The following CCDC138 variants were observed in gnomAD, a reference collection of about 807,000 sequenced individuals.
The protein encoded by CCDC138 is coiled-coil domain containing 138.
In CCDC138, 66 loss-of-function variants were observed where a neutral mutation model predicts 82.3. That is an observed-to-expected ratio of 0.80 (90% CI 0.66 to 0.98). The LOEUF (loss-of-function observed/expected upper bound fraction) is 0.98. CCDC138 is among the 50% of genes least tolerant of loss of function. The pLI, the probability that CCDC138 is intolerant of heterozygous loss-of-function variation, is 0.00. For missense variants in CCDC138, 816 were observed against 758.9 expected (o/e 1.08, Z -0.88); for synonymous variants, 297 against 265.4 (o/e 1.12, Z -1.16).
At chr2:108,809,997 G>T (rs569947549) in intron 7 of CCDC138, among the ~76,000 whole-genome samples, 1 of 152,190 alleles carries the variant, frequency 6.6e-6, no homozygotes, top group African/African-American at 2.4e-5. Context: ...GTAGAGACGG[G>T]GTTTTGCTGT....
At chr2:108,829,425 T>C (rs997778097) in intron 10 of CCDC138, among the ~76,000 whole-genome samples, 1 of 152,196 alleles carries the variant, frequency 6.6e-6, no homozygotes, top group African/African-American at 2.4e-5. Flanking sequence ...AAAACCACAG[T>C]AAGATACCAC....
At chr2:108,853,563 A>G (rs936011903) in intron 12 of CCDC138, among the ~76,000 whole-genome samples, 14 of 149,140 alleles carry the variant, frequency 9.4e-5, no homozygotes, top group African/African-American at 2.5e-4. Flanking sequence ...ATCTCACGCT[A>G]TCACTCAGGC....
At position 108,812,944 on chromosome 2, in the gene CCDC138, A is replaced by G; in HGVS notation, c.1041+17A>G. The G allele has an allele frequency of 6.2e-7, 1 of 1,609,822 alleles. No homozygotes were observed. Among genetic ancestry groups the G allele is most frequent in the Non-Finnish European group, 8.5e-7 (1 of 1,177,160 alleles). On this transcript the variant is annotated intron_variant, in intron 9 of 14. Coordinates refer to ENST00000295124, the MANE Select transcript of CCDC138 (RefSeq NM_144978.3). ...ACTTACAAGGTAAGTTTGAATTATG[A>G]TTTGATATGATTGAAAATTTCTCGG...
At chr2:108,871,995 C>A (rs1695327818) in intron 13 of CCDC138, among the ~76,000 whole-genome samples, 1 of 152,060 alleles carries the variant, frequency 6.6e-6, no homozygotes, top group Non-Finnish European at 1.5e-5. Context: ...TTTTAATTCC[C>A]CTCTCTCACA....
At position 108,842,063 on chromosome 2, in the gene CCDC138, T is replaced by A. The variant is rs562905777; in HGVS notation, c.1323+2762T>A. Among the ~76,000 whole-genome samples the A allele has an allele frequency of 7.2e-5, 11 of 152,284 alleles. No homozygotes were observed. The East Asian group carries it at 2.1e-3, about 29-fold the overall frequency. ...GTTTGTTTTTGAGACAGAGTCTCAC[T>A]CTGTTGCTCAGGCAGGAGTGCAGTG... On this transcript the variant is annotated intron_variant, in intron 11 of 14. Coordinates refer to ENST00000295124, the MANE Select transcript of CCDC138 (RefSeq NM_144978.3).
chr2:108,803,588 C>T (rs766604256), intron 6 of CCDC138, among the ~76,000 whole-genome samples: 28 of 152,172 alleles, frequency 1.8e-4, no homozygotes, highest in Non-Finnish European at 3.8e-4. Flanking sequence ...TACAGATGTG[C>T]ACCACTGTGC....
chr2:108,798,949 ACCATTAGCGC>A (rs1169144608), intron 6 of CCDC138, among the ~76,000 whole-genome samples: 2 of 152,180 alleles, frequency 1.3e-5, no homozygotes, highest in Non-Finnish European at 2.9e-5. Flanking sequence ...CATTCTCCAG[ACCATTAGCGC>A]ATATCAGGAA....
chr2:108,816,226 A>G (rs1353321606), intron 10 of CCDC138, 121 bp downstream of exon 10: 1 of 679,436 alleles, frequency 1.5e-6, no homozygotes, highest in Admixed American at 3.1e-5. Flanking sequence ...CGAGCTGGGC[A>G]GATCACCTGA....
chr2:108,877,110 G>T (rs1312864929), downstream of CCDC138, among the ~76,000 whole-genome samples: 1 of 152,196 alleles, frequency 6.6e-6, no homozygotes, highest in Non-Finnish European at 1.5e-5. Flanking sequence ...CATTTTTGAA[G>T]TAGAAACAGA....
intron 8 of CCDC138, 50 bp from the exon 9 acceptor site, chr2:108,812,770 A>C: frequency 1.2e-6 from 2 of 1,611,086 alleles, no homozygotes; most frequent in African/African-American, 2.7e-5. Context: ...CTTTGAGTTT[A>C]CTCATTTAGA....
intron 13 of CCDC138, 91 bp downstream of exon 13, chr2:108,857,061 TATTGC>T: frequency 4.7e-6 from 1 of 213,466 alleles, no homozygotes; most frequent in South Asian, 8.2e-5. Flanking sequence ...TATCAGATAC[TATTGC>T]TTTTTTTTTT....
At chr2:108,795,233 C>T (rs1201493097) in intron 5 of CCDC138, among the ~76,000 whole-genome samples, 3 of 132,994 alleles carry the variant, frequency 2.3e-5, no homozygotes, top group Non-Finnish European at 4.6e-5. Context: ...TGGCTCACTG[C>T]GGCCTCCGCC....
At position 108,846,857 on chromosome 2, in the gene CCDC138, T is replaced by G; in HGVS notation, c.1443T>G (p.Ala481=). The G allele has an allele frequency of 6.2e-7, 1 of 1,613,750 alleles. No individual in the cohort carries two copies. The highest frequency in any genetic ancestry group is 1.1e-5 in the South Asian group (1 of 91,060). Residue 481 remains alanine (A), a synonymous_variant, in exon 12 of 15, where the codon GCT becomes GCG. Transcript: ENST00000295124. The part of the protein sequence containing the change: ...QHSVENKPKT[A]AFFKSSNLPL... Reference sequence around the variant, plus strand: ...CTGTGGAGAATAAACCAAAGACAGCTGCTTTCTTTAAGAGCTCCAATTTGC... The same window carrying G: ...CTGTGGAGAATAAACCAAAGACAGCGGCTTTCTTTAAGAGCTCCAATTTGC...
chr2:108,872,334 G>T (rs747908005), intron 13 of CCDC138, among the ~76,000 whole-genome samples: 1 of 151,768 alleles, frequency 6.6e-6, no homozygotes, highest in Non-Finnish European at 1.5e-5. Flanking sequence ...TTCTTAACTC[G>T]TTCCACCACC....
intron 6 of CCDC138, among the ~76,000 whole-genome samples, chr2:108,800,425 C>T (rs915156799): frequency 3.3e-5 from 5 of 151,850 alleles, no homozygotes; most frequent in East Asian, 3.9e-4. Flanking sequence ...CCACCATGCC[C>T]GGCTAATTTT....
chr2:108,827,344 T>A (rs1450267956), intron 10 of CCDC138, among the ~76,000 whole-genome samples: 1 of 152,054 alleles, frequency 6.6e-6, no homozygotes, highest in South Asian at 2.1e-4. Context: ...CAATACCAAA[T>A]TTACAAAGCT....
At chr2:108,880,446 G>A (rs1696261216), downstream of CCDC138, among the ~76,000 whole-genome samples, 1 of 152,148 alleles carries the variant, frequency 6.6e-6, no homozygotes, top group African/African-American at 2.4e-5. Context: ...CTTTCTTAAT[G>A]GCATCCAGAA....
chr2:108,870,207 G>A (rs1321720341), intron 13 of CCDC138, among the ~76,000 whole-genome samples: 2 of 152,148 alleles, frequency 1.3e-5, no homozygotes, highest in East Asian at 3.9e-4. Flanking sequence ...GGAAAATACA[G>A]TAGCTGAATT....
At chr2:108,796,503 G>A (rs4387742) in intron 5 of CCDC138, among the ~76,000 whole-genome samples, 112,738 of 152,078 alleles carry the variant, frequency 0.74, 42,123 homozygotes, top group East Asian at 0.92. Flanking sequence ...AAAAGAAAAC[G>A]GCGTATCGAA....
Sources: gnomAD v4.1 joint callset for allele counts (sites outside exome capture counted in the v4.1 genomes callset) on GRCh38, gnomAD v4.1.1 for gene constraint, MANE v1.5 for transcripts, NCBI Gene and HGNC (gene_info 2026-07-23, HGNC 2026-07-21) for gene names.